PAPPA2: variants seen among roughly 807,000 people sequenced by gnomAD.
The protein encoded by PAPPA2 is pappalysin 2, also known as pappalysin-2.
Under a neutral mutation model 176.4 loss-of-function variants are expected in PAPPA2, and 86 were observed. The observed-to-expected ratio is 0.49, with a 90% CI of 0.41 to 0.58. PAPPA2 has a LOEUF of 0.58. PAPPA2 is among the 20% of genes least tolerant of loss of function. The pLI is 0.00. For missense variants in PAPPA2, 2,073 were observed against 2,256.9 expected, an observed-to-expected ratio of 0.92 and a Z score of 1.65; for synonymous variants, 809 against 852.2, an observed-to-expected ratio of 0.95 and a Z score of 0.88.
At chr1:176,617,084 C>T (rs1424845520) in intron 3 of PAPPA2, among the ~76,000 whole-genome samples, 3 of 152,152 alleles carry the variant, frequency 2.0e-5, no homozygotes, top group East Asian at 3.9e-4. Flanking sequence ...ACTTTTGTGT[C>T]CAGGATAACC....
chr1:176,559,987 C>A (rs761331855), intron 2 of PAPPA2, among the ~76,000 whole-genome samples: 15 of 152,188 alleles, frequency 9.9e-5, no homozygotes, highest in Non-Finnish European at 1.9e-4. Context: ...AGGATACTTT[C>A]TACACGGAAC....
intron 21 of PAPPA2, among the ~76,000 whole-genome samples, chr1:176,836,979 A>G (rs978132600): frequency 2.0e-5 from 3 of 152,208 alleles, no homozygotes; most frequent in Non-Finnish European, 4.4e-5. Flanking sequence ...GACAGCAGAC[A>G]GGGCCACACT....
chr1:176,671,185 G>A, intron 4 of PAPPA2, 70 bp downstream of exon 4: 1 of 1,581,450 alleles, frequency 6.3e-7, no homozygotes, highest in Non-Finnish European at 8.6e-7. Context: ...GCGAAAGTAA[G>A]TTTGGGGAAA....
rs527979453 is a variant in PAPPA2 at position 176,479,825 on chromosome 1, TA to T, written c.-917+16411del. ...AGTCAGGAAGCCTCAGCATGCAAGG[TA>T]AAATACACTAACTTGATTTGTAACA... On this transcript the variant is annotated intron_variant, in intron 1 of 22. Transcript: ENST00000367662. Among the ~76,000 whole-genome samples, 7 of 152,338 alleles carry T rather than the reference TA, an allele frequency of 4.6e-5. No homozygotes were observed. The South Asian group carries it at 1.4e-3, about 32-fold the overall frequency.
At chr1:176,529,303 C>T (rs924737951) in intron 1 of PAPPA2, among the ~76,000 whole-genome samples, 4 of 152,072 alleles carry the variant, frequency 2.6e-5, no homozygotes, top group South Asian at 2.1e-4. Flanking sequence ...AGTCTCAGAA[C>T]GAGCCAGAAA....
chr1:176,611,943 A>C (rs553069843), intron 3 of PAPPA2, among the ~76,000 whole-genome samples: 1 of 152,334 alleles, frequency 6.6e-6, no homozygotes, highest in African/African-American at 2.4e-5. Flanking sequence ...CATATTTCTA[A>C]ATAAAAGGTT....
intron 4 of PAPPA2, among the ~76,000 whole-genome samples, chr1:176,676,109 G>A (rs1028806001): frequency 3.3e-5 from 5 of 151,906 alleles, no homozygotes; most frequent in African/African-American, 1.2e-4. Flanking sequence ...AGAAAAATGG[G>A]ATCTCTCATA....
At chr1:176,795,075 C>T (rs867903867) in intron 20 of PAPPA2, among the ~76,000 whole-genome samples, 19 of 152,322 alleles carry the variant, frequency 1.2e-4, no homozygotes, top group African/African-American at 4.3e-4. Flanking sequence ...CTGCCCAATG[C>T]CCCTGCACCT....
intron 3 of PAPPA2, among the ~76,000 whole-genome samples, chr1:176,607,458 A>G (rs1654679384): frequency 6.6e-6 from 1 of 152,216 alleles, no homozygotes; most frequent in South Asian, 2.1e-4. Context: ...GAGAGCATGC[A>G]ACATTTGACT....
chr1:176,487,803 G>A (rs1234188575), intron 1 of PAPPA2, among the ~76,000 whole-genome samples: 1 of 152,158 alleles, frequency 6.6e-6, no homozygotes, highest in Non-Finnish European at 1.5e-5. Context: ...TAACACAAGA[G>A]AAGCAATAAA....
intron 4 of PAPPA2, among the ~76,000 whole-genome samples, chr1:176,687,178 C>T (rs994836558): frequency 6.6e-6 from 1 of 152,136 alleles, no homozygotes; most frequent in African/African-American, 2.4e-5. Context: ...TACATCTCTT[C>T]GCAATTGAAA....
chr1:176,607,440 A>G (rs1394575562), intron 3 of PAPPA2, among the ~76,000 whole-genome samples: 1 of 152,202 alleles, frequency 6.6e-6, no homozygotes, highest in Non-Finnish European at 1.5e-5. Flanking sequence ...TAGCTCCCAC[A>G]TATGAGTGAG....
intron 2 of PAPPA2, among the ~76,000 whole-genome samples, chr1:176,580,985 T>G (rs922382226): frequency 6.6e-6 from 1 of 152,156 alleles, no homozygotes; most frequent in Non-Finnish European, 1.5e-5. Flanking sequence ...AGTTCAATAG[T>G]TTTTTCATTT....
intron 1 of PAPPA2, among the ~76,000 whole-genome samples, chr1:176,539,020 G>C (rs1341699631): frequency 6.6e-6 from 1 of 152,172 alleles, no homozygotes; most frequent in Non-Finnish European, 1.5e-5. Context: ...TCCATGGCTG[G>C]TTCTAAGGCT....
Position 176,837,782 on chromosome 1 carries a change from T to A in PAPPA2, c.5203-2391T>A, listed in dbSNP as rs564600145. On this transcript the variant is annotated intron_variant, in intron 21 of 22. Coordinates refer to ENST00000367662, the MANE Select transcript of PAPPA2 (RefSeq NM_020318.3). ...CATCTTTCAGTTATTGAAATTAAAA[T>A]TTTCTAGTCTATATCCAGTCTTCAG... 8.5e-5 allele frequency among the ~76,000 whole-genome samples: 13 copies of A among 152,318 alleles called. 1 individual carries two copies. The highest frequency in any genetic ancestry group is 2.6e-4 in the African/African-American group (11 of 41,570).
chr1:176,743,938 C>T (rs1325091828), intron 14 of PAPPA2, among the ~76,000 whole-genome samples: 1 of 152,208 alleles, frequency 6.6e-6, no homozygotes, highest in Non-Finnish European at 1.5e-5. Flanking sequence ...TTTTCCAGGA[C>T]ATGGATTGAT....
At chr1:176,733,811 C>T (rs1327642088) in intron 12 of PAPPA2, among the ~76,000 whole-genome samples, 1 of 152,078 alleles carries the variant, frequency 6.6e-6, no homozygotes, top group Non-Finnish European at 1.5e-5. Context: ...AGAGCAAGAT[C>T]TGTGGAGGAG....
intron 21 of PAPPA2, among the ~76,000 whole-genome samples, chr1:176,827,067 A>C (rs1269402922): frequency 6.6e-6 from 1 of 152,196 alleles, no homozygotes; most frequent in Non-Finnish European, 1.5e-5. Context: ...ATGACCTTTC[A>C]AGTGGTCCTG....
intron 21 of PAPPA2, among the ~76,000 whole-genome samples, chr1:176,818,061 G>T (rs1196631019): frequency 1.3e-5 from 2 of 152,080 alleles, no homozygotes; most frequent in East Asian, 3.9e-4. Flanking sequence ...GGAAGGAGTG[G>T]TCTTAGGAAA....
Sources: allele counts gnomAD v4.1 joint callset (sites outside exome capture counted in the v4.1 genomes callset), GRCh38; gene constraint gnomAD v4.1.1; transcripts MANE v1.5; gene names NCBI Gene and HGNC (gene_info 2026-07-23, HGNC 2026-07-21).